Variants in NFASC observed in about 807,000 individuals in gnomAD.
NFASC encodes neurofascin, also known as neurofascin homolog.
In NFASC, 43 loss-of-function variants were observed where a neutral mutation model predicts 147.5. The observed-to-expected ratio is 0.29, with a 90% CI of 0.23 to 0.38. NFASC has a LOEUF of 0.38. NFASC is among the 10% of genes least tolerant of loss of function. The probability of loss-of-function intolerance (pLI) is 1.00; values close to 1 mark genes in which losing one functional copy is unlikely to be tolerated. For synonymous variants in NFASC, 622 were observed against 665.5 expected (o/e 0.93, Z 1.01); for missense variants, 1,320 against 1,689.0 (o/e 0.78, Z 3.83).
At chr1:204,833,822 A>G (rs1672928295) in intron 1 of NFASC, among the ~76,000 whole-genome samples, 1 of 152,238 alleles carries the variant, frequency 6.6e-6, no homozygotes, top group South Asian at 2.1e-4. Context: ...ACAGATCTGC[A>G]TTCAGACCCT....
chr1:204,939,192 T>A (rs745747418), intron 2 of NFASC, among the ~76,000 whole-genome samples: 1 of 151,836 alleles, frequency 6.6e-6, no homozygotes, highest in Non-Finnish European at 1.5e-5. Flanking sequence ...GTTGTATTTA[T>A]TTTTGTTCTT....
intron 24 of NFASC, among the ~76,000 whole-genome samples, chr1:204,995,246 G>A (rs549580173): frequency 3.0e-4 from 46 of 152,256 alleles, no homozygotes; most frequent in Admixed American, 2.3e-3. Context: ...GCTGCAGGGA[G>A]CAGGCCTGGG....
At chr1:204,853,937 G>A (rs763808048) in intron 1 of NFASC, among the ~76,000 whole-genome samples, 17 of 152,188 alleles carry the variant, frequency 1.1e-4, no homozygotes, top group Non-Finnish European at 2.1e-4. Context: ...AGAGCTGATT[G>A]TGGGGGCTTC....
intron 1 of NFASC, among the ~76,000 whole-genome samples, chr1:204,837,027 A>T (rs937387831): frequency 2.0e-5 from 3 of 152,284 alleles, no homozygotes; most frequent in Non-Finnish European, 4.4e-5. Flanking sequence ...TATTTTACTA[A>T]TCAAGAAATG....
rs370556163 is a variant in NFASC at position 204,985,415 on chromosome 1, A to G, written c.2471-2003A>G. On this transcript the variant is annotated intron_variant, in intron 21 of 29. Transcript: ENST00000339876. ...CAAAGGATTAAATCAACCCTTTCTC[A>G]TATTCAGACTTCCGGGGGTAACTTG... is the stretch of plus-strand genomic sequence containing the variant. Among the ~76,000 whole-genome samples, 24 of 152,336 alleles carry G rather than the reference A, an allele frequency of 1.6e-4. 1 individual carries two copies. Among genetic ancestry groups the G allele is most frequent in the African/African-American group, 5.5e-4 (23 of 41,582 alleles).
At chr1:204,947,155 G>T in intron 3 of NFASC, 1 of 275,076 alleles carries the variant, frequency 3.6e-6, no homozygotes, top group South Asian at 3.7e-5. Flanking sequence ...CAAGACCCAT[G>T]GGCTTCTGGT....
intron 4 of NFASC, among the ~76,000 whole-genome samples, chr1:204,951,411 G>T (rs542932950): frequency 1.4e-5 from 2 of 147,290 alleles, no homozygotes; most frequent in Non-Finnish European, 3.0e-5. Flanking sequence ...AAATCCATCC[G>T]CCTCAGCCTC....
rs77787642 is a variant in NFASC at position 204,885,072 on chromosome 1, T to G, written c.-199-35560T>G. The stretch of plus-strand genomic sequence containing the variant: ...AGACCAAGAGTTTGAGACAGGAGGA[T>G]CACTTGAGGCCAAGAGTTTGGGCAA... On this transcript the variant is annotated intron_variant, in intron 1 of 29. Transcript: ENST00000339876. Among the ~76,000 whole-genome samples, 25 of 151,952 alleles carry G rather than the reference T, an allele frequency of 1.6e-4. No homozygotes were observed. The East Asian group carries it at 4.5e-3, about 27-fold the overall frequency.
chr1:204,962,058 G>A (rs1558266437), intron 8 of NFASC: 3 of 1,465,404 alleles, frequency 2.0e-6, no homozygotes, highest in Non-Finnish European at 2.9e-6. Context: ...TTATGCCTCT[G>A]TGACTTCTCC....
rs568103715 is a variant in NFASC at position 205,001,404 on chromosome 1, G to C, written c.3136+118G>C. 1.9e-5 allele frequency: 13 copies of C among 677,346 alleles called. No homozygotes were observed. In the South Asian group the frequency reaches 2.0e-4, roughly 10 times the overall value. 42.0% of individuals were successfully genotyped at this position (677,346 alleles called of 1,614,324 possible). ...CCCCCAGGCTCAGAGAGGCCTTTTA[G>C]CCTGGCTTAATTATGGCTTAATGAA... On this transcript the variant is annotated intron_variant, in intron 26 of 29. Transcript: ENST00000339876.
chr1:205,001,099 ATG>A (rs1282210097), intron 25 of NFASC, 69 bp from the exon 26 acceptor site: 4 of 849,210 alleles, frequency 4.7e-6, no homozygotes, highest in Non-Finnish European at 4.0e-6. Context: ...GCTTGTGTGT[ATG>A]TGTGTGTCTC....
At position 205,002,478 on chromosome 1, in the gene NFASC, G is replaced by A. The variant is rs148734259; in HGVS notation, c.3137-118G>A. The A allele has an allele frequency of 2.7e-4, 212 of 781,654 alleles. 1 individual carries two copies. Among genetic ancestry groups the A allele is most frequent in the African/African-American group, 1.3e-3 (70 of 55,576 alleles). 48.4% of individuals were successfully genotyped at this position (781,654 alleles called of 1,614,324 possible). ...CTGGTCTGTATGGTGGACTGGACCCGCGGTTCCCTGGTCCCTTCCCCCACA... is the reference window on the plus strand; with the variant it reads ...CTGGTCTGTATGGTGGACTGGACCCACGGTTCCCTGGTCCCTTCCCCCACA... On this transcript the variant is annotated intron_variant, in intron 26 of 29. Coordinates refer to ENST00000339876, the MANE Select transcript of NFASC (RefSeq NM_001005388.3).
rs769585822 is a variant in NFASC at position 204,980,355 on chromosome 1, C to G, written c.2177-15C>G. The G allele has an allele frequency of 1.3e-5, 21 of 1,611,198 alleles. No homozygotes were observed. The highest frequency in any genetic ancestry group is 1.8e-5 in the Non-Finnish European group (21 of 1,177,944). On this transcript the variant is annotated splice_polypyrimidine_tract_variant and intron_variant, in intron 19 of 29. Transcript: ENST00000339876. Reference sequence around the variant, plus strand: ...GCACAAATTGGACTTGAGCCTGTGTCTGTTTGGGTTCCAGCCCCCGAGTCC... The same window carrying G: ...GCACAAATTGGACTTGAGCCTGTGTGTGTTTGGGTTCCAGCCCCCGAGTCC...
intron 1 of NFASC, among the ~76,000 whole-genome samples, chr1:204,907,454 A>G (rs1457471667): frequency 6.6e-6 from 1 of 152,166 alleles, no homozygotes; most frequent in Non-Finnish European, 1.5e-5. Flanking sequence ...AGACTACCCT[A>G]GTCTGGACTA....
chr1:204,984,302 A>G, intron 21 of NFASC: 1 of 573,372 alleles, frequency 1.7e-6, no homozygotes, highest in Non-Finnish European at 3.2e-6. Flanking sequence ...ATGTTCAAAA[A>G]TATACCCAGA....
In NFASC at chr1:205,016,521, T is replaced by A. The variant is rs762010750; in HGVS notation, c.3705T>A (p.Ala1235=). 1.9e-6 allele frequency: 3 copies of A among 1,613,586 alleles called. No individual in the cohort carries two copies. The highest frequency in any genetic ancestry group is 1.6e-4 in the Middle Eastern group (1 of 6,062). ...ESSEATSPVN[A]IYSLA is the part of the protein sequence containing the mutation. ...CAGAGGCCACGTCACCTGTCAATGC[T>A]ATCTACTCTCTGGCCTAACGGAGCC... Residue 1235 remains alanine (A), a synonymous_variant, in exon 30 of 30, where the codon GCT becomes GCA. Coordinates refer to ENST00000339876, the MANE Select transcript of NFASC (RefSeq NM_001005388.3). The surrounding 1 kb of genome is among the most constrained non-coding windows in gnomAD (Gnocchi z 5.1).
At chr1:204,999,747 C>G (rs563160513) in intron 25 of NFASC, 1 of 152,314 alleles carries the variant, frequency 6.6e-6, no homozygotes, top group South Asian at 2.1e-4. Context: ...AAGTGAAAAC[C>G]AGGAGATCTT....
At chr1:204,996,511 AAG>A (rs1470548235) in intron 24 of NFASC, among the ~76,000 whole-genome samples, 2 of 152,272 alleles carry the variant, frequency 1.3e-5, no homozygotes, top group African/African-American at 2.4e-5. Context: ...AGAGAAGGGA[AAG>A]AGAGGGAGGA....
intron 2 of NFASC, among the ~76,000 whole-genome samples, chr1:204,927,186 C>T (rs957574205): frequency 1.3e-5 from 2 of 152,074 alleles, no homozygotes; most frequent in African/African-American, 2.4e-5. Flanking sequence ...ACATTTTTAT[C>T]GCCACTCCCA....
Sources: allele counts gnomAD v4.1 joint callset (sites outside exome capture counted in the v4.1 genomes callset), GRCh38; gene constraint gnomAD v4.1.1; non-coding constraint Gnocchi (gnomAD v3.1); transcripts MANE v1.5; gene names NCBI Gene and HGNC (gene_info 2026-07-23, HGNC 2026-07-21).